The following MED13L variants were observed in gnomAD, a reference collection of about 807,000 sequenced individuals.
MED13L encodes the protein mediator complex subunit 13L.
MED13L carries 7 observed loss-of-function variants against 220.9 expected under a neutral mutation model. That is an observed-to-expected ratio of 0.03 (90% CI 0.02 to 0.06). MED13L has a LOEUF of 0.06. Ranked by LOEUF, MED13L falls within the 10% of genes least tolerant of loss-of-function variation. The pLI is 1.00. For synonymous variants in MED13L, 1,011 were observed against 1,015.2 expected (o/e 1.00, Z 0.08); for missense variants, 1,965 against 2,760.5 (o/e 0.71, Z 6.46).
intron 19 of MED13L, among the ~76,000 whole-genome samples, chr12:115,985,142 GTGTC>G (rs1404487907): frequency 4.6e-5 from 7 of 152,124 alleles, no homozygotes; most frequent in African/African-American, 1.7e-4. Flanking sequence ...ATTTAAAAGA[GTGTC>G]TGTCTGTACC....
intron 2 of MED13L, among the ~76,000 whole-genome samples, chr12:116,189,227 T>C (rs1449211553): frequency 1.3e-5 from 2 of 150,414 alleles, no homozygotes; most frequent in Non-Finnish European, 3.0e-5. Flanking sequence ...TAATGATAGT[T>C]CACTGTAGTT....
At chr12:116,124,105 C>CAGAGAGAGAAAGACGAGAG (rs1875331241) in intron 2 of MED13L, among the ~76,000 whole-genome samples, 1 of 116,522 alleles carries the variant, frequency 8.6e-6, no homozygotes, top group African/African-American at 3.0e-5. Flanking sequence ...ATAACATCTG[C>CAGAGAGAGAAAGACGAGAG]AGAGAGAGAG....
intron 2 of MED13L, among the ~76,000 whole-genome samples, chr12:116,141,484 T>C (rs57085207): frequency 0.15 from 22,857 of 152,160 alleles, 1,919 homozygotes; most frequent in South Asian, 0.22. Flanking sequence ...TTTTTAAAAT[T>C]ATTATTTCTA....
intron 4 of MED13L, among the ~76,000 whole-genome samples, chr12:116,060,055 C>T (rs1869310579): frequency 6.6e-6 from 1 of 152,080 alleles, no homozygotes; most frequent in Non-Finnish European, 1.5e-5. Flanking sequence ...ACTAGAGGTG[C>T]AGTATGCAGT....
chr12:115,992,471 G>A (rs1161788722), intron 16 of MED13L, among the ~76,000 whole-genome samples: 1 of 151,934 alleles, frequency 6.6e-6, no homozygotes, highest in Non-Finnish European at 1.5e-5. Context: ...TCATATCAAA[G>A]TAGTTATAAT....
chr12:116,030,234 G>C (rs1363141808), intron 4 of MED13L, among the ~76,000 whole-genome samples: 1 of 151,954 alleles, frequency 6.6e-6, no homozygotes, highest in East Asian at 1.9e-4. Context: ...CCCAAAGTCA[G>C]TCTACATATT....
intron 2 of MED13L, among the ~76,000 whole-genome samples, chr12:116,119,552 CTT>C (rs1353211935): frequency 6.6e-6 from 1 of 151,934 alleles, no homozygotes; most frequent in Non-Finnish European, 1.5e-5. Flanking sequence ...AAAACTAACA[CTT>C]AATCTTAAGA....
In MED13L at chr12:116,006,420, T is replaced by C. The variant is rs1392267568; in HGVS notation, c.2239-9A>G. 1 of 1,610,942 alleles carries C rather than the reference T, an allele frequency of 6.2e-7. No individual in the cohort carries two copies. Among genetic ancestry groups the C allele is most frequent in the Non-Finnish European group, 8.5e-7 (1 of 1,177,168 alleles). On this transcript the variant is annotated splice_polypyrimidine_tract_variant and intron_variant, in intron 11 of 30. Coordinates refer to ENST00000281928, the MANE Select transcript of MED13L (RefSeq NM_015335.5). ...CCAAATCCATCCTCTGACTGTATAA[T>C]AAATTCAGCCAAACAAAACACATGA...
chr12:116,121,567 T>C (rs1875096750), intron 2 of MED13L, among the ~76,000 whole-genome samples: 1 of 152,144 alleles, frequency 6.6e-6, no homozygotes, highest in Non-Finnish European at 1.5e-5. Flanking sequence ...ATAAAGATTG[T>C]GAAACCTTGA....
intron 16 of MED13L, 118 bp from the exon 17 acceptor site, chr12:115,992,075 G>A: frequency 1.1e-6 from 1 of 883,136 alleles, no homozygotes; most frequent in East Asian, 2.6e-5. Context: ...TGCTATCACT[G>A]GGATACACTG....
chr12:116,096,989 AATTG>A (rs1263726747), intron 3 of MED13L, among the ~76,000 whole-genome samples: 4 of 152,182 alleles, frequency 2.6e-5, no homozygotes, highest in African/African-American at 4.8e-5. Context: ...AAGCAAAATA[AATTG>A]ATTGATGTAT....
At chr12:116,244,895 T>G (rs1253031612) in intron 1 of MED13L, among the ~76,000 whole-genome samples, 2 of 152,102 alleles carry the variant, frequency 1.3e-5, no homozygotes, top group Non-Finnish European at 2.9e-5. Flanking sequence ...GAGGCTGCAG[T>G]GAGCTGTGAT....
chr12:116,256,889 T>C (rs572880767), intron 1 of MED13L, among the ~76,000 whole-genome samples: 28 of 152,192 alleles, frequency 1.8e-4, no homozygotes, highest in Non-Finnish European at 3.7e-4. Context: ...TTTCACCATG[T>C]TGGCCAAGAT....
At chr12:116,095,138 G>C (rs906945774) in intron 4 of MED13L, among the ~76,000 whole-genome samples, 1 of 152,028 alleles carries the variant, frequency 6.6e-6, no homozygotes, top group African/African-American at 2.4e-5. Flanking sequence ...ACTCCTGCCT[G>C]GATAACAAAG....
intron 22 of MED13L, chr12:115,981,819 A>G (rs1443793431): frequency 6.5e-6 from 1 of 152,856 alleles, no homozygotes; most frequent in Non-Finnish European, 1.5e-5. Flanking sequence ...TATTAAAAGT[A>G]TGATCTCAAC....
chr12:116,085,460 C>T (rs929558568), intron 4 of MED13L, among the ~76,000 whole-genome samples: 5 of 152,090 alleles, frequency 3.3e-5, no homozygotes, highest in Non-Finnish European at 7.4e-5. Context: ...ATTTTAATGA[C>T]ATAACCCAAT....
At chr12:116,237,875 T>C (rs1390853558) in intron 1 of MED13L, among the ~76,000 whole-genome samples, 170 bp from the exon 2 acceptor site, 1 of 152,196 alleles carries the variant, frequency 6.6e-6, no homozygotes, top group Admixed American at 6.5e-5. Context: ...AATTTTAAGG[T>C]GGGAGAAACT....
rs748738389 is a variant in MED13L at position 115,991,423 on chromosome 12, T to C, written c.3531A>G (p.Gly1177=). 1 of 1,613,836 alleles carries C rather than the reference T, an allele frequency of 6.2e-7. No homozygotes were observed. Among genetic ancestry groups the C allele is most frequent in the Non-Finnish European group, 8.5e-7 (1 of 1,179,978 alleles). The change falls in exon 17 of 31, where the codon GGA becomes GGG. Residue 1177 remains glycine (G), a synonymous_variant. Coordinates refer to ENST00000281928, the MANE Select transcript of MED13L (RefSeq NM_015335.5). The surrounding 1 kb of genome is among the most constrained non-coding windows in gnomAD (Gnocchi z 7.7). ...TATCCAACTCATCTTCAAGGAAGAG[T>C]CCTGAATTGTAGCCAAGTTTGCGGT... ...IMNRKLGYNS[G]LFLEDELDIF... is the part of the protein sequence containing the mutation.
chr12:116,012,696 G>T, intron 9 of MED13L, 101 bp downstream of exon 9: 1 of 870,352 alleles, frequency 1.1e-6, no homozygotes, highest in Non-Finnish European at 2.0e-6. Flanking sequence ...TACTGGAGGA[G>T]AATGGAGAAT....
Sources: gnomAD v4.1 joint callset for allele counts (sites outside exome capture counted in the v4.1 genomes callset) on GRCh38, gnomAD v4.1.1 for gene constraint, Gnocchi (gnomAD v3.1) non-coding constraint, MANE v1.5 for transcripts, NCBI Gene and HGNC (gene_info 2026-07-23, HGNC 2026-07-21) for gene names.